The following GCC2 variants were observed in gnomAD, a reference collection of about 807,000 sequenced individuals.
GCC2 encodes the protein GRIP and coiled-coil domain containing 2, also known as GRIP and coiled-coil domain-containing protein 2.
GCC2 carries 120 observed loss-of-function variants against 210.6 expected under a neutral mutation model. That is an observed-to-expected ratio of 0.57 (90% confidence interval 0.49 to 0.66). The LOEUF is 0.66. Ranked by LOEUF, GCC2 falls within the 30% of genes least tolerant of loss-of-function variation. GCC2 has a pLI of 0.00. For synonymous variants in GCC2, 703 were observed against 652.7 expected (o/e 1.08, Z -1.17); for missense variants, 1,868 against 1,871.9 (o/e 1.00, Z 0.04).
rs188335011 is a variant in GCC2 at position 108,456,130 on chromosome 2, G to A, written c.216+3664G>A. ...GTCCTGAGTAGCTGGGACTACAGGC[G>A]CCGGCCACCAAGCCTGGCTAATTTT... On this transcript the variant is annotated intron_variant, in intron 4 of 22. Coordinates refer to ENST00000309863, the MANE Select transcript of GCC2 (RefSeq NM_181453.4). Among the ~76,000 whole-genome samples, 17 of 152,204 alleles carry A rather than the reference G, an allele frequency of 1.1e-4. No homozygotes were observed. In the South Asian group the frequency reaches 1.4e-3, roughly 13 times the overall value.
At chr2:108,451,404 T>G (rs183079466) in intron 3 of GCC2, among the ~76,000 whole-genome samples, 1 of 152,214 alleles carries the variant, frequency 6.6e-6, no homozygotes, top group African/African-American at 2.4e-5. Context: ...TAGATTCTTC[T>G]GAGTTCTGAG....
At chr2:108,449,587 TA>T in intron 1 of GCC2, 45 bp from the exon 2 acceptor site, 1 of 1,568,252 alleles carries the variant, frequency 6.4e-7, no homozygotes, top group South Asian at 1.1e-5. Flanking sequence ...CGTGTGGAAT[TA>T]GGAAAAGAGT....
At chr2:108,473,496 A>G (rs2577620) in intron 7 of GCC2, among the ~76,000 whole-genome samples, 28,821 of 152,096 alleles carry the variant, frequency 0.19, 3,089 homozygotes, top group African/African-American at 0.27. Flanking sequence ...GATCATAAAC[A>G]CACTAGTATG....
At chr2:108,504,467 T>C (rs1228479360) in intron 22 of GCC2, among the ~76,000 whole-genome samples, 3 of 152,194 alleles carry the variant, frequency 2.0e-5, no homozygotes, top group Non-Finnish European at 4.4e-5. Context: ...AGTAGCGTGT[T>C]ACAACTCTGC....
intron 12 of GCC2, among the ~76,000 whole-genome samples, chr2:108,483,701 C>T (rs1681988913): frequency 6.6e-6 from 1 of 152,156 alleles, no homozygotes; most frequent in African/African-American, 2.4e-5. Flanking sequence ...TTTGGTTTGA[C>T]AGTTCATTTT....
chr2:108,487,375 C>G (rs927598380), intron 16 of GCC2, among the ~76,000 whole-genome samples: 1 of 152,104 alleles, frequency 6.6e-6, no homozygotes, highest in Non-Finnish European at 1.5e-5. Flanking sequence ...TGTAAGGCCT[C>G]CCAACATGAA....
At chr2:108,504,058 T>G (rs1389926686) in intron 22 of GCC2, among the ~76,000 whole-genome samples, 1 of 152,084 alleles carries the variant, frequency 6.6e-6, no homozygotes, top group Non-Finnish European at 1.5e-5. Flanking sequence ...CAGTCAAACT[T>G]CTGGTCGAAA....
chr2:108,458,734 A>C (rs1039735732), intron 4 of GCC2, among the ~76,000 whole-genome samples: 1 of 151,664 alleles, frequency 6.6e-6, no homozygotes, highest in Non-Finnish European at 1.5e-5. Context: ...ATATTCTCTG[A>C]TGGTCTATTT....
At chr2:108,481,969 CAA>C (rs1299976295) in intron 10 of GCC2, among the ~76,000 whole-genome samples, 153 bp downstream of exon 10, 1 of 152,104 alleles carries the variant, frequency 6.6e-6, no homozygotes, top group African/African-American at 2.4e-5. Flanking sequence ...AAGAATAAGA[CAA>C]AACAGCTAGC....
chr2:108,480,678 C>T lies in GCC2; in HGVS notation c.3061-1019C>T, dbSNP rs182299735. The stretch of plus-strand genomic sequence containing the variant: ...GAAAACTAAATACCACATGTTCTCA[C>T]TTATAAGTGGGAGCTAAATGATGAG... On this transcript the variant is annotated intron_variant, in intron 9 of 22. Transcript: ENST00000309863. 3.5e-3 allele frequency among the ~76,000 whole-genome samples: 526 copies of T among 152,264 alleles called. 2 individuals are homozygous for T. The highest frequency in any genetic ancestry group is 0.012 in the African/African-American group (480 of 41,544).
rs752749562 is a variant in GCC2 at position 108,469,781 on chromosome 2, A to T, written c.452A>T (p.Asn151Ile). 6 of 1,613,952 alleles carry T rather than the reference A, an allele frequency of 3.7e-6. No individual in the cohort carries two copies. The highest frequency in any genetic ancestry group is 5.1e-6 in the Non-Finnish European group (6 of 1,179,862). ...TCCAAATACAGTGAAGACAAAGCTA[A>T]CTTACAAAAGCAGCTGGAAGAAGCA... Reference protein sequence around the residue: ...VRSKYSEDKANLQKQLEEAMN... With the variant: ...VRSKYSEDKAILQKQLEEAMN... Residue 151 changes from asparagine to isoleucine, a missense_variant, in exon 6 of 23, where the codon AAC becomes ATC. By Grantham distance (149) the Asn-to-Ile change is moderately radical. Around this residue, in one of 3 missense-constraint regions of GCC2, gnomAD observed 1,847 missense variants for 1,765.2 expected, o/e 1.05. Transcript: ENST00000309863.
chr2:108,485,903 T>C lies in GCC2; in HGVS notation c.3787T>C (p.Tyr1263His), dbSNP rs1194756808. 2.6e-6 allele frequency: 4 copies of C among 1,541,322 alleles called. No homozygotes were observed. The highest frequency in any genetic ancestry group is 2.3e-5 in the East Asian group (1 of 44,158). The change falls in exon 15 of 23, where the codon TAT becomes CAT. Residue 1263 changes from tyrosine to histidine, a missense_variant. This residue lies in a region of GCC2 where 1,847 missense variants were observed against 1,765.2 expected (regional missense o/e 1.05). Transcript: ENST00000309863. ...LEASQQQVEV[Y>H]KIQLAEITSE... ...GGCAAGCCAGCAGCAAGTAGAAGTC[T>C]ATAAAGTAAGGGTTTTACTTTTTAA...
chr2:108,463,794 C>G (rs1680726300), intron 4 of GCC2, among the ~76,000 whole-genome samples: 1 of 152,122 alleles, frequency 6.6e-6, no homozygotes, highest in Non-Finnish European at 1.5e-5. Flanking sequence ...GGACAACCCT[C>G]TGGGTCCTAA....
chr2:108,481,144 C>G (rs1477549491), intron 9 of GCC2, among the ~76,000 whole-genome samples: 1 of 152,154 alleles, frequency 6.6e-6, no homozygotes, highest in Admixed American at 6.5e-5. Flanking sequence ...AGTAGGCCAA[C>G]TAGGAATATC....
In GCC2 at chr2:108,471,671, A is replaced by G; in HGVS notation, c.2342A>G (p.Asn781Ser). ...SEDSEEKDVV[N>S]VLQAVGESLA... ...GACAGTGAAGAGAAAGATGTTGTTAATGTCCTACAGGCAGTCGGTGAATCC... is the reference window on the plus strand; with the variant it reads ...GACAGTGAAGAGAAAGATGTTGTTAGTGTCCTACAGGCAGTCGGTGAATCC... The change falls in exon 6 of 23, where the codon AAT becomes AGT. Residue 781 changes from asparagine (N) to serine (S), a missense_variant. Physicochemically the swap from Asn to Ser is conservative, Grantham distance 46. Around this residue, in one of 3 missense-constraint regions of GCC2, gnomAD observed 1,847 missense variants for 1,765.2 expected, o/e 1.05. Coordinates refer to ENST00000309863, the MANE Select transcript of GCC2 (RefSeq NM_181453.4). The G allele has an allele frequency of 6.2e-7, 1 of 1,613,708 alleles. No homozygotes were observed. The highest frequency in any genetic ancestry group is 8.5e-7 in the Non-Finnish European group (1 of 1,179,640).
In GCC2 at chr2:108,497,103, A is replaced by T. The variant is rs934787189; in HGVS notation, c.4776A>T (p.Gln1592His). 2 of 1,611,966 alleles carry T rather than the reference A, an allele frequency of 1.2e-6. No homozygotes were observed. The highest frequency in any genetic ancestry group is 2.7e-5 in the African/African-American group (2 of 74,952). ...CAACCAATGCAATTCTTATGGAGCA[A>T]ATTAAGGTGAGATCAGAAAACCTGG... ...TEATNAILME[Q>H]IKLLKSEIRR... Residue 1592 changes from glutamine (Q) to histidine (H), a missense_variant, in exon 21 of 23, where the codon CAA becomes CAT. By Grantham distance (24) the Gln-to-His change is conservative. This residue lies in a region of GCC2 where 1,847 missense variants were observed against 1,765.2 expected (regional missense o/e 1.05). Transcript: ENST00000309863.
At chr2:108,489,331 C>T (rs1231178112) in intron 17 of GCC2, among the ~76,000 whole-genome samples, 1 of 152,154 alleles carries the variant, frequency 6.6e-6, no homozygotes, top group Non-Finnish European at 1.5e-5. Flanking sequence ...ACCTGACCAA[C>T]ATGGTGAAAC....
In GCC2 at chr2:108,491,435, A is replaced by G. The variant is rs187750142; in HGVS notation, c.4230-1138A>G. Among the ~76,000 whole-genome samples the G allele has an allele frequency of 2.1e-3, 318 of 152,292 alleles. 3 individuals carry two copies. Among genetic ancestry groups the G allele is most frequent in the African/African-American group, 7.3e-3 (303 of 41,562 alleles). On this transcript the variant is annotated intron_variant, in intron 18 of 22. Coordinates refer to ENST00000309863, the MANE Select transcript of GCC2 (RefSeq NM_181453.4). The stretch of plus-strand genomic sequence containing the variant: ...AAAAAATGCTTGCAGAGAAATTTGT[A>G]TACACTAGTATTTTCTAGATTCATT...
At chr2:108,467,548 G>C (rs1190536224) in intron 4 of GCC2, among the ~76,000 whole-genome samples, 2 of 151,902 alleles carry the variant, frequency 1.3e-5, no homozygotes, top group African/African-American at 4.8e-5. Flanking sequence ...CCTCCCACTT[G>C]CATCTCCCAA....
Sources: allele counts gnomAD v4.1 joint callset (sites outside exome capture counted in the v4.1 genomes callset), GRCh38; gene constraint gnomAD v4.1.1; regional missense constraint gnomAD v4.1.1; transcripts MANE v1.5; gene names NCBI Gene and HGNC (gene_info 2026-07-23, HGNC 2026-07-21).